GARIN1B: variants seen among roughly 807,000 people sequenced by gnomAD.
GARIN1B encodes golgi associated RAB2 interactor 1B.
chr7:128,729,799 A>G, the GARIN1B span: 2 of 1,234,424 alleles, frequency 1.6e-6, no homozygotes, highest in Non-Finnish European at 2.3e-6. Context: ...ATTGTTTGGA[A>G]TGGTGCCTGG....
chr7:128,723,113 C>T, the GARIN1B span: 1 of 1,425,310 alleles, frequency 7.0e-7, no homozygotes, highest in Non-Finnish European at 9.3e-7. Context: ...AGTTCCAACA[C>T]TTTAGAGTCT....
the GARIN1B span, chr7:128,731,303 A>G: frequency 3.1e-6 from 2 of 653,808 alleles, no homozygotes; most frequent in Non-Finnish European, 5.5e-6. Context: ...GCACCTCGGC[A>G]TATGCCACCT....
the GARIN1B span, chr7:128,716,905 C>T: frequency 2.5e-6 from 4 of 1,613,976 alleles, no homozygotes. Flanking sequence ...TGCCCCTCCC[C>T]AACATCCTAC....
the GARIN1B span, chr7:128,730,182 G>A: frequency 1.6e-6 from 2 of 1,242,682 alleles, no homozygotes; most frequent in Non-Finnish European, 2.2e-6. Context: ...GTGGGGTGTG[G>A]TCGAGGAATG....
chr7:128,713,118 T>G, the GARIN1B span, among the ~76,000 whole-genome samples: 5 of 152,042 alleles, frequency 3.3e-5, no homozygotes, highest in Non-Finnish European at 5.9e-5. Flanking sequence ...CAGCCTTTAG[T>G]AGAGATGGTG....
At chr7:128,719,445 T>TA in the GARIN1B span, among the ~76,000 whole-genome samples, 5 of 151,466 alleles carry the variant, frequency 3.3e-5, no homozygotes, top group African/African-American at 1.2e-4. Flanking sequence ...TCCATTACCC[T>TA]AAAAAATACC....
chr7:128,731,485 G>C, the GARIN1B span: 1 of 333,040 alleles, frequency 3.0e-6, no homozygotes, highest in Non-Finnish European at 5.6e-6. Flanking sequence ...ACAAAGAGAA[G>C]TGGTAATAGG....
chr7:128,712,407 C>G, the GARIN1B span, among the ~76,000 whole-genome samples: 1 of 152,178 alleles, frequency 6.6e-6, no homozygotes, highest in Non-Finnish European at 1.5e-5. Context: ...ACCATCACCA[C>G]CATCCATCTC....
chr7:128,716,971 C>T, the GARIN1B span: 1 of 1,612,418 alleles, frequency 6.2e-7, no homozygotes, highest in South Asian at 1.1e-5. Context: ...ACAGACCATC[C>T]ATAGCCCCCA....
the GARIN1B span, chr7:128,730,212 C>A: frequency 1.0e-5 from 10 of 959,278 alleles, no homozygotes; most frequent in African/African-American, 1.6e-4. Context: ...GAGACCTCAG[C>A]CCTCTTTTCC....
chr7:128,728,088 G>A, the GARIN1B span, among the ~76,000 whole-genome samples: 2 of 152,158 alleles, frequency 1.3e-5, no homozygotes, highest in Admixed American at 6.5e-5. Flanking sequence ...GGTCCCAGGG[G>A]AACTCTGCTA....
At chr7:128,723,955 G>T in the GARIN1B span, among the ~76,000 whole-genome samples, 1 of 152,180 alleles carries the variant, frequency 6.6e-6, no homozygotes, top group African/African-American at 2.4e-5. Context: ...CCAACAATGA[G>T]GATAAGTTAG....
chr7:128,723,234 A>G, the GARIN1B span: 33 of 1,612,852 alleles, frequency 2.0e-5, no homozygotes, highest in South Asian at 3.4e-4. Flanking sequence ...CAGCCCAGCG[A>G]GAGTCTCATT....
chr7:128,717,488 C>T, the GARIN1B span, among the ~76,000 whole-genome samples: 2 of 150,518 alleles, frequency 1.3e-5, no homozygotes, highest in African/African-American at 4.9e-5. Flanking sequence ...AGACTATCGC[C>T]CAGGCTGGAG....
the GARIN1B span, chr7:128,716,716 C>A: frequency 9.6e-7 from 1 of 1,042,498 alleles, no homozygotes; most frequent in Non-Finnish European, 1.4e-6. Flanking sequence ...AATATCCAAC[C>A]CAAAACATTA....
chr7:128,713,044 G>T, the GARIN1B span, among the ~76,000 whole-genome samples: 2 of 152,142 alleles, frequency 1.3e-5, no homozygotes, highest in Admixed American at 6.5e-5. Context: ...GGTGGCTCAG[G>T]CCTGTAATCC....
chr7:128,710,162 G>A, the GARIN1B span, among the ~76,000 whole-genome samples: 54 of 152,198 alleles, frequency 3.5e-4, no homozygotes, highest in African/African-American at 1.1e-3. Context: ...TGATCTGCCC[G>A]CCTCAGCCTC....
chr7:128,724,630 C>T, the GARIN1B span: 3 of 964,436 alleles, frequency 3.1e-6, no homozygotes, highest in African/African-American at 3.4e-5. Context: ...ACAGAATATT[C>T]AGTCCCAGAT....
the GARIN1B span, chr7:128,715,272 G>A: frequency 7.0e-7 from 1 of 1,435,716 alleles, no homozygotes; most frequent in Non-Finnish European, 9.1e-7. Flanking sequence ...GAAAAGGGAG[G>A]CTCCTTTGCA....
Sources: allele counts gnomAD v4.1 joint callset (sites outside exome capture counted in the v4.1 genomes callset), GRCh38; gene constraint gnomAD v4.1.1; transcripts MANE v1.5; gene names NCBI Gene and HGNC (gene_info 2026-07-23, HGNC 2026-07-21).